The following LRPPRC variants were observed in gnomAD, a reference collection of about 807,000 sequenced individuals.
The protein encoded by LRPPRC is leucine-rich PPR motif-containing protein, mitochondrial.
In LRPPRC, 120 loss-of-function variants were observed where a neutral mutation model predicts 180.3. That is an observed-to-expected ratio of 0.67 (90% confidence interval 0.57 to 0.77). The LOEUF is 0.77. Ranked by LOEUF, LRPPRC falls within the 30% of genes least tolerant of loss-of-function variation. The pLI is 0.00. For missense variants in LRPPRC, 2,012 were observed against 1,657.2 expected (o/e 1.21, Z -3.72); for synonymous variants, 723 against 600.0 (o/e 1.21, Z -3.00).
Position 43,963,643 on chromosome 2 carries a change from GTA to G in LRPPRC, c.1431_1432del (p.Thr478ArgfsTer8), listed in dbSNP as rs2103672990. 2 of 1,612,692 alleles carry G rather than the reference GTA, an allele frequency of 1.2e-6. No individual in the cohort carries two copies. Among genetic ancestry groups the G allele is most frequent in the Non-Finnish European group, 1.7e-6 (2 of 1,178,836 alleles). Reference sequence around the variant, plus strand: ...ATCAAAGCATGGAATCACATAATCTGTATATGTTTCCTGATCAGGATGTACTC... The same window carrying G: ...ATCAAAGCATGGAATCACATAATCTGTATGTTTCCTGATCAGGATGTACTC... On this transcript the variant is annotated frameshift_variant, in exon 12 of 38. Transcript: ENST00000260665. LOFTEE classifies it high-confidence loss of function.
At chr2:43,943,175 G>T (rs1672548560) in intron 23 of LRPPRC, among the ~76,000 whole-genome samples, 1 of 151,926 alleles carries the variant, frequency 6.6e-6, no homozygotes, top group Non-Finnish European at 1.5e-5. Context: ...GCACCAACAA[G>T]AGCATTTCAA....
intron 25 of LRPPRC, among the ~76,000 whole-genome samples, chr2:43,928,795 A>C (rs1258926908): frequency 6.6e-6 from 1 of 151,808 alleles, no homozygotes; most frequent in Non-Finnish European, 1.5e-5. Context: ...CCCCACCCCA[A>C]CCCAAGTACC....
intron 25 of LRPPRC, among the ~76,000 whole-genome samples, chr2:43,928,277 T>A (rs986538411): frequency 1.5e-4 from 23 of 152,194 alleles, no homozygotes; most frequent in African/African-American, 5.5e-4. Context: ...ATTACAACAC[T>A]CTGATGTAAA....
intron 1 of LRPPRC, among the ~76,000 whole-genome samples, chr2:43,994,124 A>G (rs1440746792): frequency 9.2e-5 from 14 of 152,304 alleles, no homozygotes; most frequent in African/African-American, 2.9e-4. Flanking sequence ...TGAGGATTAG[A>G]AAAATAAGAG....
In LRPPRC at chr2:43,963,782, A is replaced by G. The variant is rs372068164; in HGVS notation, c.1370-76T>C. ...AGAAAAGATCGGTAAGTTCAGTTCAATTATTTTCTGAATCACAGTATAAGA... is the reference window on the plus strand; with the variant it reads ...AGAAAAGATCGGTAAGTTCAGTTCAGTTATTTTCTGAATCACAGTATAAGA... On this transcript the variant is annotated intron_variant, in intron 11 of 37. Transcript: ENST00000260665. 1.4e-4 allele frequency: 117 copies of G among 849,672 alleles called. No homozygotes were observed. The East Asian group carries it at 1.7e-3, about 13-fold the overall frequency. The allele number at this position is 849,672 out of a possible 1,614,324, so 52.6% of individuals were successfully genotyped here. A position where few individuals can be genotyped will look rare whatever the true frequency, so the allele number is the denominator to read the frequency against.
At chr2:43,940,057 C>G (rs954599617) in intron 23 of LRPPRC, among the ~76,000 whole-genome samples, 17 of 152,174 alleles carry the variant, frequency 1.1e-4, no homozygotes, top group African/African-American at 3.6e-4. Context: ...AATCATCCTT[C>G]AAAAAGCAAT....
At chr2:43,957,758 T>C (rs1161461350) in intron 13 of LRPPRC, among the ~76,000 whole-genome samples, 1 of 152,130 alleles carries the variant, frequency 6.6e-6, no homozygotes, top group Non-Finnish European at 1.5e-5. Context: ...GTACACACAC[T>C]GAGGCTGTAT....
chr2:43,949,145 A>G (rs547541968), intron 16 of LRPPRC, among the ~76,000 whole-genome samples: 11 of 152,342 alleles, frequency 7.2e-5, no homozygotes, highest in Admixed American at 7.2e-4. Flanking sequence ...GTACCATCTT[A>G]CAGAAAACTA....
At position 43,947,239 on chromosome 2, in the gene LRPPRC, T is replaced by A. The variant is rs776047260; in HGVS notation, c.2079+18A>T. On this transcript the variant is annotated intron_variant, in intron 20 of 37. Coordinates refer to ENST00000260665, the MANE Select transcript of LRPPRC (RefSeq NM_133259.4). The stretch of plus-strand genomic sequence containing the variant: ...ATTTTTTGCCTTAATAATATTTAAA[T>A]ATTAAAACAAATGTTACCTCTTCTG... 6.4e-6 allele frequency: 8 copies of A among 1,251,422 alleles called. No individual in the cohort carries two copies. In the South Asian group the frequency reaches 8.9e-5, roughly 14 times the overall value. 77.5% of individuals were successfully genotyped at this position (1,251,422 alleles called of 1,614,324 possible). A position where few individuals can be genotyped will look rare whatever the true frequency, so the allele number is the denominator to read the frequency against.
At chr2:43,922,080 T>C (rs955218709) in intron 27 of LRPPRC, among the ~76,000 whole-genome samples, 1 of 152,222 alleles carries the variant, frequency 6.6e-6, no homozygotes, top group Admixed American at 6.5e-5. Flanking sequence ...ATGTAATTAA[T>C]GTTTGTTATA....
chr2:43,888,898 A>G (rs989521581), intron 37 of LRPPRC, among the ~76,000 whole-genome samples: 2 of 151,570 alleles, frequency 1.3e-5, no homozygotes, highest in Non-Finnish European at 3.0e-5. Context: ...GTGTATGTGC[A>G]AGCATGTGTG....
intron 11 of LRPPRC, among the ~76,000 whole-genome samples, chr2:43,969,644 T>C (rs1325391610): frequency 1.3e-5 from 2 of 152,158 alleles, no homozygotes; most frequent in Non-Finnish European, 2.9e-5. Flanking sequence ...GGAAAAAATA[T>C]GTGCAGAATC....
chr2:43,917,795 A>T (rs1671527906), intron 29 of LRPPRC, among the ~76,000 whole-genome samples: 2 of 152,192 alleles, frequency 1.3e-5, no homozygotes, highest in South Asian at 4.1e-4. Flanking sequence ...TCTCAAAAAA[A>T]ATAATAAAAA....
At chr2:43,995,732 C>G in intron 1 of LRPPRC, 67 bp downstream of exon 1, 2 of 1,323,218 alleles carry the variant, frequency 1.5e-6, no homozygotes, top group Non-Finnish European at 1.9e-6. Flanking sequence ...CCGGTCCCTG[C>G]CGGCACCCAC....
At chr2:43,916,630 C>T (rs187601466) in intron 29 of LRPPRC, among the ~76,000 whole-genome samples, 3 of 152,162 alleles carry the variant, frequency 2.0e-5, no homozygotes, top group South Asian at 2.1e-4. Flanking sequence ...GCATTTATTA[C>T]GAAAAATTTC....
intron 1 of LRPPRC, among the ~76,000 whole-genome samples, chr2:43,994,901 C>T (rs775972421): frequency 7.9e-5 from 12 of 152,234 alleles, no homozygotes; most frequent in Non-Finnish European, 1.8e-4. Flanking sequence ...CTTGCCTTTG[C>T]ATCCCCAGAT....
At chr2:43,939,687 G>GA (rs1672408312) in intron 23 of LRPPRC, among the ~76,000 whole-genome samples, 1 of 152,150 alleles carries the variant, frequency 6.6e-6, no homozygotes, top group Admixed American at 6.5e-5. Context: ...TATAAATGAG[G>GA]AATCTTCAAG....
chr2:43,908,790 G>A (rs563483752), intron 30 of LRPPRC, among the ~76,000 whole-genome samples: 17 of 152,318 alleles, frequency 1.1e-4, no homozygotes, highest in African/African-American at 4.1e-4. Context: ...GTCTCCCAAA[G>A]TGCTGGGATT....
chr2:43,934,742 A>G lies in LRPPRC; in HGVS notation c.2629+12T>C. Reference sequence around the variant, plus strand: ...AAAAAAAACTACATTAAGATACTAGAAAGTGACTCACCTTTCTGAATTAGA... The same window carrying G: ...AAAAAAAACTACATTAAGATACTAGGAAGTGACTCACCTTTCTGAATTAGA... On this transcript the variant is annotated intron_variant, in intron 24 of 37. Coordinates refer to ENST00000260665, the MANE Select transcript of LRPPRC (RefSeq NM_133259.4). 3 of 1,612,362 alleles carry G rather than the reference A, an allele frequency of 1.9e-6. No individual in the cohort carries two copies. Among genetic ancestry groups the G allele is most frequent in the Non-Finnish European group, 2.5e-6 (3 of 1,178,520 alleles).
Sources: allele counts gnomAD v4.1 joint callset (sites outside exome capture counted in the v4.1 genomes callset), GRCh38; gene constraint gnomAD v4.1.1; transcripts MANE v1.5; gene names NCBI Gene and HGNC (gene_info 2026-07-23, HGNC 2026-07-21).